The following DPP10 variants were observed in gnomAD, a reference collection of about 807,000 sequenced individuals.
The protein encoded by DPP10 is dipeptidyl peptidase like 10.
In DPP10, 33 loss-of-function variants were observed where a neutral mutation model predicts 120.9. That is an observed-to-expected ratio of 0.27 (90% CI 0.21 to 0.37). DPP10 has a LOEUF of 0.37. Ranked by LOEUF, DPP10 falls within the 10% of genes least tolerant of loss-of-function variation. The pLI, the probability that DPP10 is intolerant of heterozygous loss-of-function variation, is 1.00. For synonymous variants in DPP10, 337 were observed against 326.1 expected (o/e 1.03, Z -0.36); for missense variants, 816 against 942.8 (o/e 0.87, Z 1.76).
intron 5 of DPP10, among the ~76,000 whole-genome samples, chr2:115,598,904 C>T (rs560818311): frequency 6.9e-6 from 1 of 145,376 alleles, no homozygotes; most frequent in East Asian, 2.0e-4. Context: ...TGTATTTATT[C>T]GATATTAATT....
At chr2:115,235,252 A>G (rs1001650110) in intron 1 of DPP10, among the ~76,000 whole-genome samples, 4 of 152,188 alleles carry the variant, frequency 2.6e-5, no homozygotes, top group African/African-American at 9.6e-5. Flanking sequence ...ATCTGCATAT[A>G]CCAAGGGAGT....
At chr2:115,790,937 T>C in intron 17 of DPP10, 144 bp from the exon 18 acceptor site, 1 of 524,422 alleles carries the variant, frequency 1.9e-6, no homozygotes. Context: ...TAGAAAACTG[T>C]TGTAGTAATT....
chr2:115,574,399 A>G (rs910128073), intron 5 of DPP10, among the ~76,000 whole-genome samples: 1 of 152,162 alleles, frequency 6.6e-6, no homozygotes. Context: ...TCTTGTAGTA[A>G]GTTCTCCATG....
At chr2:115,801,648 A>G (rs186039491) in intron 19 of DPP10, among the ~76,000 whole-genome samples, 2,777 of 152,142 alleles carry the variant, frequency 0.018, 87 homozygotes, top group African/African-American at 0.061. Context: ...ATGAAGCGCT[A>G]GTGAATTTTG....
intron 3 of DPP10, among the ~76,000 whole-genome samples, chr2:115,389,349 C>T (rs984508798): frequency 5.0e-5 from 7 of 140,876 alleles, no homozygotes; most frequent in Non-Finnish European, 6.3e-5. Context: ...TGGCTTACTA[C>T]GTCTCAGTTA....
chr2:115,720,244 A>G (rs377655656), intron 7 of DPP10, among the ~76,000 whole-genome samples: 1 of 152,184 alleles, frequency 6.6e-6, no homozygotes, highest in East Asian at 1.9e-4. Flanking sequence ...TAATACCAAA[A>G]TATTTTGTGT....
intron 1 of DPP10, among the ~76,000 whole-genome samples, chr2:114,904,827 T>C (rs1363206303): frequency 6.6e-6 from 1 of 152,042 alleles, no homozygotes; most frequent in Non-Finnish European, 1.5e-5. Context: ...ATTTAGAGAT[T>C]TTCAGGGCCA....
intron 3 of DPP10, among the ~76,000 whole-genome samples, chr2:115,367,673 C>T (rs961509120): frequency 6.6e-6 from 1 of 151,978 alleles, no homozygotes; most frequent in Non-Finnish European, 1.5e-5. Context: ...TCAAGGCAGT[C>T]TTTTGTTTCA....
At chr2:114,934,275 T>C (rs1174598846) in intron 1 of DPP10, among the ~76,000 whole-genome samples, 1 of 152,184 alleles carries the variant, frequency 6.6e-6, no homozygotes, top group East Asian at 1.9e-4. Context: ...ACTAATAGCC[T>C]CCTTTGACTG....
intron 1 of DPP10, among the ~76,000 whole-genome samples, chr2:115,231,186 A>G (rs994011832): frequency 1.3e-5 from 2 of 152,054 alleles, no homozygotes; most frequent in Non-Finnish European, 2.9e-5. Context: ...GTCTGGTATT[A>G]TAGATTAAAA....
At position 114,938,994 on chromosome 2, in the gene DPP10, C is replaced by G. The variant is rs72943759; in HGVS notation, c.61-370245C>G. 5.1e-3 allele frequency among the ~76,000 whole-genome samples: 771 copies of G among 152,190 alleles called. 7 individuals are homozygous for G. The highest frequency in any genetic ancestry group is 0.017 in the African/African-American group (720 of 41,530). ...CATTTACTTTCTAACTTTCCTGTCA[C>G]TTCATATGTATATTTCCCATACTTA... On this transcript the variant is annotated intron_variant, in intron 1 of 25. Transcript: ENST00000410059.
At chr2:115,745,528 G>A (rs1677846405) in intron 9 of DPP10, among the ~76,000 whole-genome samples, 1 of 150,472 alleles carries the variant, frequency 6.6e-6, no homozygotes, top group Non-Finnish European at 1.5e-5. Context: ...ATGCAAATGA[G>A]TCACCCCATT....
intron 3 of DPP10, among the ~76,000 whole-genome samples, chr2:115,375,515 G>T (rs1248559612): frequency 2.6e-5 from 4 of 152,154 alleles, no homozygotes; most frequent in Non-Finnish European, 5.9e-5. Flanking sequence ...AATTGCTCCA[G>T]CTTCTGCCTG....
At chr2:114,481,901 G>A (rs1393124184) in intron 1 of DPP10, among the ~76,000 whole-genome samples, 1 of 150,636 alleles carries the variant, frequency 6.6e-6, no homozygotes, top group Non-Finnish European at 1.5e-5. Flanking sequence ...GGAGAAGAGA[G>A]GAGAAGGGAG....
chr2:115,723,723 T>A (rs1238577323), intron 7 of DPP10, among the ~76,000 whole-genome samples: 1 of 151,614 alleles, frequency 6.6e-6, no homozygotes, highest in Non-Finnish European at 1.5e-5. Context: ...CAAATGGGAA[T>A]AACACATTAT....
intron 24 of DPP10, among the ~76,000 whole-genome samples, chr2:115,839,502 C>T (rs1412039613): frequency 1.3e-5 from 2 of 151,054 alleles, no homozygotes; most frequent in East Asian, 1.9e-4. Context: ...GGTGAAACCC[C>T]GTCTCTACTA....
intron 5 of DPP10, among the ~76,000 whole-genome samples, chr2:115,530,344 C>T (rs1391852484): frequency 3.9e-5 from 6 of 151,974 alleles, no homozygotes; most frequent in Non-Finnish European, 8.8e-5. Context: ...CATACAACAT[C>T]ATGTTATGTA....
At chr2:115,699,512 G>T (rs546771349) in intron 7 of DPP10, among the ~76,000 whole-genome samples, 2 of 152,324 alleles carry the variant, frequency 1.3e-5, no homozygotes, top group African/African-American at 4.8e-5. Context: ...TGAGGCAAGA[G>T]AATTGCTTGA....
chr2:114,511,273 G>C (rs1684125765), intron 1 of DPP10, among the ~76,000 whole-genome samples: 1 of 152,186 alleles, frequency 6.6e-6, no homozygotes, highest in Non-Finnish European at 1.5e-5. Context: ...TTTGTGCAGA[G>C]AGACTTTATA....
Sources: allele counts gnomAD v4.1 joint callset (sites outside exome capture counted in the v4.1 genomes callset), GRCh38; gene constraint gnomAD v4.1.1; transcripts MANE v1.5; gene names NCBI Gene and HGNC (gene_info 2026-07-23, HGNC 2026-07-21).